Variants in STK33 observed in about 807,000 individuals in gnomAD.
STK33 encodes the protein serine/threonine-protein kinase 33.
In STK33, 52 loss-of-function variants were observed where a neutral mutation model predicts 58.0. That is an observed-to-expected ratio of 0.90 (90% CI 0.72 to 1.13). The LOEUF (loss-of-function observed/expected upper bound fraction) is 1.13. STK33 is among the 50% of genes most tolerant of loss of function. STK33 has a pLI of 0.00. For missense variants in STK33, 630 were observed against 604.2 expected, an observed-to-expected ratio of 1.04 and a Z score of -0.45; for synonymous variants, 215 against 200.1, an observed-to-expected ratio of 1.07 and a Z score of -0.63.
At chr11:8,440,615 A>G (rs911445774) in intron 12 of STK33, 63 bp downstream of exon 12, 66 of 1,348,066 alleles carry the variant, frequency 4.9e-5, no homozygotes, top group East Asian at 3.1e-4. Flanking sequence ...TTTAAAGTCT[A>G]TATCACTCTA....
the STK33 span, among the ~76,000 whole-genome samples, chr11:8,337,987 C>G: frequency 0.081 from 12,399 of 152,230 alleles, 545 homozygotes; most frequent in Middle Eastern, 0.11. Context: ...TATCTTTCTG[C>G]ACCTCACTCA....
At chr11:8,380,142 C>T in the STK33 span, among the ~76,000 whole-genome samples, 1 of 152,122 alleles carries the variant, frequency 6.6e-6, no homozygotes, top group Non-Finnish European at 1.5e-5. Flanking sequence ...TGGGTATATA[C>T]CCAGTAATGG....
chr11:8,427,229 T>A (rs1408772656), intron 14 of STK33, among the ~76,000 whole-genome samples: 1 of 152,200 alleles, frequency 6.6e-6, no homozygotes, highest in African/African-American at 2.4e-5. Context: ...GAATAACAAT[T>A]TGAATAGATA....
At chr11:8,473,752 G>A (rs1309283599) in intron 5 of STK33, among the ~76,000 whole-genome samples, 2 of 152,146 alleles carry the variant, frequency 1.3e-5, no homozygotes, top group Admixed American at 1.3e-4. Context: ...AGAAATAACA[G>A]TCAAGGGAGA....
chr11:8,545,949 T>C (rs1322809250), intron 1 of STK33, among the ~76,000 whole-genome samples: 5 of 152,234 alleles, frequency 3.3e-5, no homozygotes, highest in African/African-American at 1.2e-4. Flanking sequence ...ACACAGGCTA[T>C]GTGGTATAGC....
At chr11:8,334,893 C>T in the STK33 span, among the ~76,000 whole-genome samples, 1 of 152,216 alleles carries the variant, frequency 6.6e-6, no homozygotes, top group African/African-American at 2.4e-5. Context: ...TGCTCTGTGC[C>T]TGGCCCTGGG....
At chr11:8,525,459 C>T (rs573670485) in intron 1 of STK33, among the ~76,000 whole-genome samples, 236 of 152,236 alleles carry the variant, frequency 1.6e-3, no homozygotes, top group African/African-American at 5.1e-3. Flanking sequence ...TATATAGTCA[C>T]TTGATTTAAA....
At chr11:8,387,173 G>A (rs1848555747), downstream of STK33, among the ~76,000 whole-genome samples, 1 of 152,158 alleles carries the variant, frequency 6.6e-6, no homozygotes, top group African/African-American at 2.4e-5. Context: ...ACTCCCTTCT[G>A]AAACCTCAAG....
intron 11 of STK33, among the ~76,000 whole-genome samples, chr11:8,442,183 T>C (rs1241209931): frequency 6.6e-6 from 1 of 152,182 alleles, no homozygotes; most frequent in African/African-American, 2.4e-5. Flanking sequence ...AGAAAGAATG[T>C]ACAGATTACT....
intron 1 of STK33, among the ~76,000 whole-genome samples, chr11:8,559,727 TGAAAGAGTC>T: frequency 6.6e-6 from 1 of 152,154 alleles, no homozygotes; most frequent in African/African-American, 2.4e-5. Flanking sequence ...TAATAAAAAC[TGAAAGAGTC>T]CAGAGGGTAT....
At chr11:8,338,062 C>T in the STK33 span, among the ~76,000 whole-genome samples, 1 of 152,210 alleles carries the variant, frequency 6.6e-6, no homozygotes, top group Admixed American at 6.5e-5. Flanking sequence ...TCACTAAAAT[C>T]TCCATGTCAG....
At chr11:8,428,709 G>T (rs1037946366) in intron 14 of STK33, among the ~76,000 whole-genome samples, 49 of 152,090 alleles carry the variant, frequency 3.2e-4, no homozygotes, top group Admixed American at 1.3e-4. Flanking sequence ...CAACATTGCT[G>T]AATATTGTCT....
chr11:8,471,305 C>A (rs1051546824), intron 6 of STK33, among the ~76,000 whole-genome samples: 2 of 152,124 alleles, frequency 1.3e-5, no homozygotes, highest in African/African-American at 4.8e-5. Context: ...ACAAACTAAT[C>A]ACTTTCTTCA....
At chr11:8,491,012 C>T (rs1395328898) in intron 1 of STK33, among the ~76,000 whole-genome samples, 1 of 152,144 alleles carries the variant, frequency 6.6e-6, no homozygotes, top group East Asian at 1.9e-4. Context: ...GCTGAAAATT[C>T]TAAAAACCAG....
At chr11:8,474,632 G>C (rs367851480) in intron 5 of STK33, 49 bp downstream of exon 5, 1 of 1,385,322 alleles carries the variant, frequency 7.2e-7, no homozygotes, top group Non-Finnish European at 9.9e-7. Context: ...AGTACCATTA[G>C]GGAACGGGAT....
chr11:8,526,079 G>A (rs1381317797), intron 1 of STK33, among the ~76,000 whole-genome samples: 1 of 152,158 alleles, frequency 6.6e-6, no homozygotes, highest in Non-Finnish European at 1.5e-5. Flanking sequence ...GCAGAAAAAA[G>A]AGAACTCGCA....
chr11:8,383,861 C>A, the STK33 span, among the ~76,000 whole-genome samples: 1 of 152,174 alleles, frequency 6.6e-6, no homozygotes, highest in East Asian at 1.9e-4. Context: ...CTGTCAGGCA[C>A]CCAGAAGCCT....
At chr11:8,569,149 G>A (rs1565386247) in intron 1 of STK33, among the ~76,000 whole-genome samples, 1 of 152,186 alleles carries the variant, frequency 6.6e-6, no homozygotes, top group African/African-American at 2.4e-5. Flanking sequence ...TTGGCAAAGT[G>A]ATACTAGCAT....
At chr11:8,406,906 G>T (rs1939324557) in intron 15 of STK33, among the ~76,000 whole-genome samples, 1 of 151,738 alleles carries the variant, frequency 6.6e-6, no homozygotes, top group Admixed American at 6.6e-5. Context: ...ATCGTTCCTT[G>T]CCTTTCTCCT....
Sources: gnomAD v4.1 joint callset for allele counts (sites outside exome capture counted in the v4.1 genomes callset) on GRCh38, gnomAD v4.1.1 for gene constraint, MANE v1.5 for transcripts, NCBI Gene and HGNC (gene_info 2026-07-23, HGNC 2026-07-21) for gene names.